The following CTNNA2 variants were observed in gnomAD, a reference collection of about 807,000 sequenced individuals.
The protein encoded by CTNNA2 is catenin alpha 2, also known as catenin alpha-2.
Under a neutral mutation model 101.0 loss-of-function variants are expected in CTNNA2, and 42 were observed. The observed-to-expected ratio is 0.42, with a 90% CI of 0.32 to 0.54. CTNNA2 has a LOEUF of 0.54. Ranked by LOEUF, CTNNA2 falls within the 20% of genes least tolerant of loss-of-function variation. The pLI is 0.14. For synonymous variants in CTNNA2, 450 were observed against 456.4 expected (o/e 0.99, Z 0.18); for missense variants, 871 against 1,223.1 (o/e 0.71, Z 4.29).
chr2:79,999,545 A>C (rs745768772), intron 7 of CTNNA2, among the ~76,000 whole-genome samples: 7 of 151,822 alleles, frequency 4.6e-5, no homozygotes, highest in Non-Finnish European at 7.4e-5. Context: ...GGAGCCCCAC[A>C]TTTCACAAGC....
At chr2:79,937,084 C>T (rs1281262097) in intron 7 of CTNNA2, among the ~76,000 whole-genome samples, 1 of 152,088 alleles carries the variant, frequency 6.6e-6, no homozygotes, top group East Asian at 1.9e-4. Flanking sequence ...AATATTCTTC[C>T]CAATGGAAAA....
At chr2:80,310,349 A>T (rs1328824017) in intron 7 of CTNNA2, among the ~76,000 whole-genome samples, 1 of 152,248 alleles carries the variant, frequency 6.6e-6, no homozygotes, top group African/African-American at 2.4e-5. Flanking sequence ...TACAGCAGGC[A>T]GTGTAGAGCC....
intron 7 of CTNNA2, among the ~76,000 whole-genome samples, chr2:80,336,452 T>A (rs976957630): frequency 6.6e-6 from 1 of 152,186 alleles, no homozygotes; most frequent in African/African-American, 2.4e-5. Context: ...TTATCAGATA[T>A]CTGTCCATCC....
intron 9 of CTNNA2, among the ~76,000 whole-genome samples, chr2:80,506,017 TACA>T (rs1404877428): frequency 2.0e-5 from 3 of 152,206 alleles, no homozygotes; most frequent in South Asian, 2.1e-4. Context: ...CCAAAAAAGT[TACA>T]ACAACATCAG....
At chr2:79,525,292 A>G (rs1672342421) in intron 1 of CTNNA2, among the ~76,000 whole-genome samples, 1 of 151,912 alleles carries the variant, frequency 6.6e-6, no homozygotes, top group Non-Finnish European at 1.5e-5. Flanking sequence ...CCTGAGAGGA[A>G]GCTTAACATG....
chr2:80,601,225 C>T (rs1697481060), intron 15 of CTNNA2, among the ~76,000 whole-genome samples: 1 of 151,936 alleles, frequency 6.6e-6, no homozygotes, highest in Non-Finnish European at 1.5e-5. Context: ...GTGTGTGTAC[C>T]ACCTAAGTGA....
At chr2:80,482,530 C>G (rs1001013443) in intron 9 of CTNNA2, among the ~76,000 whole-genome samples, 7 of 152,170 alleles carry the variant, frequency 4.6e-5, no homozygotes, top group Non-Finnish European at 7.3e-5. Context: ...ATGAGAATGG[C>G]TGTGTTCCAA....
chr2:79,307,482 T>C (rs926207024), intron 2 of CTNNA2, among the ~76,000 whole-genome samples: 1 of 152,228 alleles, frequency 6.6e-6, no homozygotes, highest in Non-Finnish European at 1.5e-5. Context: ...GGTGTTTAAC[T>C]TTCTGTTCCT....
intron 1 of CTNNA2, among the ~76,000 whole-genome samples, chr2:79,559,184 A>G (rs756311712): frequency 6.6e-5 from 10 of 151,992 alleles, no homozygotes; most frequent in Non-Finnish European, 1.5e-4. Context: ...TATAGCTGGC[A>G]TTACCGGGTA....
At chr2:79,851,737 C>CTTTTTTTTTTTTTTTT (rs11399192) in intron 3 of CTNNA2, among the ~76,000 whole-genome samples, 20 of 87,124 alleles carry the variant, frequency 2.3e-4, no homozygotes, top group Non-Finnish European at 2.8e-4. Flanking sequence ...TTTTCTTTTC[C>CTTTTTTTTTTTTTTTT]TTTTTTTTTT....
intron 16 of CTNNA2, among the ~76,000 whole-genome samples, chr2:80,607,531 C>A (rs1244411921): frequency 1.3e-5 from 2 of 151,896 alleles, no homozygotes; most frequent in Non-Finnish European, 2.9e-5. Flanking sequence ...GACTCTGTTG[C>A]TACTCTTATG....
chr2:80,133,041 A>G (rs1322706919), intron 7 of CTNNA2, among the ~76,000 whole-genome samples: 2 of 152,246 alleles, frequency 1.3e-5, no homozygotes, highest in Non-Finnish European at 2.9e-5. Context: ...AATCAAGTTA[A>G]GATGAGGTCA....
At chr2:79,308,570 C>A (rs891363904) in intron 2 of CTNNA2, among the ~76,000 whole-genome samples, 8 of 152,048 alleles carry the variant, frequency 5.3e-5, no homozygotes, top group African/African-American at 1.7e-4. Flanking sequence ...ATTCATAAAG[C>A]CTTTTTTCAG....
At chr2:80,139,546 G>A (rs1198573732) in intron 7 of CTNNA2, among the ~76,000 whole-genome samples, 2 of 152,054 alleles carry the variant, frequency 1.3e-5, no homozygotes, top group Non-Finnish European at 1.5e-5. Flanking sequence ...TCTTATGTAT[G>A]TGTTTGTATG....
chr2:80,375,980 G>T (rs561139488), intron 7 of CTNNA2, among the ~76,000 whole-genome samples: 1 of 152,034 alleles, frequency 6.6e-6, no homozygotes, highest in African/African-American at 2.4e-5. Context: ...GTAGAAATGG[G>T]ATCTCTGGCC....
intron 9 of CTNNA2, among the ~76,000 whole-genome samples, chr2:80,524,576 T>A (rs2149581603): frequency 6.6e-6 from 1 of 152,300 alleles, no homozygotes; most frequent in East Asian, 1.9e-4. Context: ...CTAGTCACGT[T>A]GAACTACTTG....
intron 9 of CTNNA2, among the ~76,000 whole-genome samples, chr2:80,439,145 A>G (rs1243878060): frequency 6.6e-6 from 1 of 152,074 alleles, no homozygotes; most frequent in Non-Finnish European, 1.5e-5. Flanking sequence ...CCCCAGTCTA[A>G]ATAATTTTTT....
At chr2:80,570,095 C>T (rs1458482807) in intron 12 of CTNNA2, among the ~76,000 whole-genome samples, 1 of 152,162 alleles carries the variant, frequency 6.6e-6, no homozygotes, top group African/African-American at 2.4e-5. Context: ...GTTGCCCAGG[C>T]TGAAGTTCAG....
intron 7 of CTNNA2, among the ~76,000 whole-genome samples, chr2:80,219,436 T>C (rs1708448651): frequency 6.6e-6 from 1 of 152,220 alleles, no homozygotes; most frequent in African/African-American, 2.4e-5. Flanking sequence ...TTATATATTT[T>C]CACATTTGAT....
Sources: allele counts gnomAD v4.1 joint callset (sites outside exome capture counted in the v4.1 genomes callset), GRCh38; gene constraint gnomAD v4.1.1; transcripts MANE v1.5; gene names NCBI Gene and HGNC (gene_info 2026-07-23, HGNC 2026-07-21).